The following CNTN4 variants were observed in gnomAD, a reference collection of about 807,000 sequenced individuals.
The protein encoded by CNTN4 is contactin-4.
A neutral mutation model predicts 122.5 loss-of-function variants in CNTN4; 77 were observed. The observed-to-expected ratio is 0.63, with a 90% CI of 0.52 to 0.76. The LOEUF is 0.76. CNTN4 is among the 30% of genes least tolerant of loss of function. The probability of loss-of-function intolerance (pLI) is 0.00; values close to 1 mark genes in which losing one functional copy is unlikely to be tolerated. For synonymous variants in CNTN4, 512 were observed against 447.0 expected (o/e 1.15, Z -1.83); for missense variants, 1,256 against 1,259.1 (o/e 1.00, Z 0.04).
chr3:2,272,629 A>T (rs896636222), intron 2 of CNTN4, among the ~76,000 whole-genome samples: 2 of 152,074 alleles, frequency 1.3e-5, no homozygotes, highest in African/African-American at 4.8e-5. Flanking sequence ...CTTTTAACTT[A>T]CTCTCATTTG....
chr3:2,776,122 G>A (rs2091305065), intron 6 of CNTN4, among the ~76,000 whole-genome samples: 1 of 152,148 alleles, frequency 6.6e-6, no homozygotes, highest in African/African-American at 2.4e-5. Flanking sequence ...GAAGGACACA[G>A]ACTCTAAAAG....
At chr3:2,735,628 T>C (rs2089028523) in intron 4 of CNTN4, among the ~76,000 whole-genome samples, 1 of 152,184 alleles carries the variant, frequency 6.6e-6, no homozygotes, top group Non-Finnish European at 1.5e-5. Context: ...CATAAGACGT[T>C]GGGAAAACAA....
chr3:2,313,776 A>T (rs1198025611), intron 2 of CNTN4, among the ~76,000 whole-genome samples: 1 of 151,990 alleles, frequency 6.6e-6, no homozygotes, highest in Non-Finnish European at 1.5e-5. Flanking sequence ...AACCTAAGAC[A>T]ATATAGTACT....
intron 13 of CNTN4, among the ~76,000 whole-genome samples, chr3:2,968,220 T>A (rs1006038412): frequency 3.9e-5 from 6 of 152,218 alleles, no homozygotes; most frequent in Non-Finnish European, 5.9e-5. Context: ...TTCTTGGAAG[T>A]TGATTACAAT....
At chr3:3,041,377 C>T (rs1700149177) in intron 20 of CNTN4, among the ~76,000 whole-genome samples, 1 of 152,208 alleles carries the variant, frequency 6.6e-6, no homozygotes, top group Non-Finnish European at 1.5e-5. Flanking sequence ...CCTTCAACTT[C>T]TCTTAGATAA....
chr3:2,404,265 G>A (rs1467930938), intron 3 of CNTN4, among the ~76,000 whole-genome samples: 1 of 152,130 alleles, frequency 6.6e-6, no homozygotes, highest in African/African-American at 2.4e-5. Context: ...GGTCTCACAA[G>A]GCCTACAGCA....
At chr3:2,617,467 CTGGAGTGCAG>C (rs1165545617) in intron 4 of CNTN4, among the ~76,000 whole-genome samples, 2 of 134,746 alleles carry the variant, frequency 1.5e-5, no homozygotes, top group Admixed American at 8.5e-5. Context: ...GTTGCCCAGG[CTGGAGTGCAG>C]TGACATGATC....
At chr3:3,033,997 G>C (rs1239319514) in intron 16 of CNTN4, among the ~76,000 whole-genome samples, 2 of 152,188 alleles carry the variant, frequency 1.3e-5, no homozygotes, top group African/African-American at 4.8e-5. Context: ...GAAGAAGGGA[G>C]CGCCTTGACT....
At chr3:2,672,434 T>A (rs1356430608) in intron 4 of CNTN4, among the ~76,000 whole-genome samples, 1 of 152,216 alleles carries the variant, frequency 6.6e-6, no homozygotes, top group Non-Finnish European at 1.5e-5. Flanking sequence ...TATAATCTCC[T>A]GGTTTGCTGT....
intron 2 of CNTN4, among the ~76,000 whole-genome samples, chr3:2,291,455 C>T (rs1387870887): frequency 6.6e-6 from 1 of 152,046 alleles, no homozygotes; most frequent in Non-Finnish European, 1.5e-5. Flanking sequence ...TCCTCTCCCC[C>T]TTTAGATATT....
chr3:2,248,551 A>C (rs2040241415), intron 2 of CNTN4, among the ~76,000 whole-genome samples: 1 of 152,102 alleles, frequency 6.6e-6, no homozygotes, highest in Admixed American at 6.6e-5. Context: ...AAACCCCCCA[A>C]ATATTTTTTA....
rs1034189657 is a variant in CNTN4 at position 2,192,290 on chromosome 3, T to C, written c.-145+91651T>C. Among the ~76,000 whole-genome samples, 9 of 152,128 alleles carry C rather than the reference T, an allele frequency of 5.9e-5. No homozygotes were observed. In the South Asian group the frequency reaches 8.3e-4, roughly 14 times the overall value. On this transcript the variant is annotated intron_variant, in intron 2 of 24. Coordinates refer to ENST00000418658, the MANE Select transcript of CNTN4 (RefSeq NM_175607.3). ...AAATGGTATTTCTAGTTCTCGATCC[T>C]TGAGGAATCGCCACACTGTCTTCCA... is the stretch of plus-strand genomic sequence containing the variant.
intron 4 of CNTN4, among the ~76,000 whole-genome samples, chr3:2,572,961 T>TAAGAAG (rs1432788030): frequency 1.3e-5 from 2 of 152,218 alleles, no homozygotes; most frequent in African/African-American, 4.8e-5. Flanking sequence ...TCCAATTTCT[T>TAAGAAG]TCTTCCACGA....
intron 2 of CNTN4, among the ~76,000 whole-genome samples, chr3:2,164,795 C>T (rs541050066): frequency 5.1e-4 from 78 of 151,836 alleles, no homozygotes; most frequent in African/African-American, 1.4e-3. Flanking sequence ...TCATGTTTGA[C>T]GGAAAAATGT....
chr3:2,315,379 C>T (rs1188731735), intron 2 of CNTN4, among the ~76,000 whole-genome samples: 1 of 151,930 alleles, frequency 6.6e-6, no homozygotes, highest in Non-Finnish European at 1.5e-5. Flanking sequence ...TCATCAGTTT[C>T]CCAAACGAGA....
intron 4 of CNTN4, among the ~76,000 whole-genome samples, chr3:2,618,306 T>G (rs2081856340): frequency 6.6e-6 from 1 of 152,168 alleles, no homozygotes; most frequent in African/African-American, 2.4e-5. Flanking sequence ...TGTGTGTATG[T>G]ATGTATAATA....
At chr3:2,630,581 T>G (rs2082386640) in intron 4 of CNTN4, among the ~76,000 whole-genome samples, 1 of 152,188 alleles carries the variant, frequency 6.6e-6, no homozygotes. Flanking sequence ...TTCTTATTAG[T>G]ACACGAATCA....
intron 3 of CNTN4, among the ~76,000 whole-genome samples, chr3:2,570,590 C>A (rs911570694): frequency 1.3e-5 from 2 of 152,202 alleles, no homozygotes; most frequent in East Asian, 3.9e-4. Context: ...AACCCTGGAT[C>A]TGTGTTCCAC....
chr3:2,705,651 A>C (rs1397333900), intron 4 of CNTN4, among the ~76,000 whole-genome samples: 2 of 88,546 alleles, frequency 2.3e-5, no homozygotes, highest in Non-Finnish European at 3.8e-5. Flanking sequence ...ATATATAAAA[A>C]GTATATTATA....
Sources: allele counts gnomAD v4.1 joint callset (sites outside exome capture counted in the v4.1 genomes callset), GRCh38; gene constraint gnomAD v4.1.1; transcripts MANE v1.5; gene names NCBI Gene and HGNC (gene_info 2026-07-23, HGNC 2026-07-21).